The following BEND4 variants were observed in gnomAD, a reference collection of about 807,000 sequenced individuals.
The protein encoded by BEND4 is BEN domain containing 4, also known as BEN domain-containing protein 4.
BEND4 carries 27 observed loss-of-function variants against 54.7 expected under a neutral mutation model. The ratio of observed to expected loss-of-function variants is 0.49; its 90% CI spans 0.36 to 0.68. BEND4 has a LOEUF of 0.68. BEND4 is among the 30% of genes least tolerant of loss of function. The probability of loss-of-function intolerance (pLI) is 0.00; values close to 1 mark genes in which losing one functional copy is unlikely to be tolerated. For missense variants in BEND4, 702 were observed against 697.2 expected (o/e 1.01, Z -0.08); for synonymous variants, 327 against 299.5 (o/e 1.09, Z -0.95).
Position 42,112,845 on chromosome 4 carries a change from A to C in BEND4, c.*4673T>G, listed in dbSNP as rs1379792839. The C allele has an allele frequency of 6.6e-6, 1 of 152,186 alleles. No homozygotes were observed. The highest frequency in any genetic ancestry group is 1.5e-5 in the Non-Finnish European group (1 of 68,018). The allele number at this position is 152,186 out of a possible 1,614,324, so 9.4% of individuals were successfully genotyped here. On this transcript the variant is annotated 3_prime_UTR_variant, in exon 6 of 6. Coordinates refer to ENST00000502486, the MANE Select transcript of BEND4 (RefSeq NM_207406.4). ...TCAATTCTTCACTCTCCTCTAAAAA[A>C]AAAACAAAAACCCAACATAAATAAA...
At position 42,115,417 on chromosome 4, in the gene BEND4, G is replaced by C. The variant is rs779888948; in HGVS notation, c.*2101C>G. 2 of 152,154 alleles carry C rather than the reference G, an allele frequency of 1.3e-5. No individual in the cohort carries two copies. Among genetic ancestry groups the C allele is most frequent in the African/African-American group, 2.4e-5 (1 of 41,432 alleles). 9.4% of individuals were successfully genotyped at this position (152,154 alleles called of 1,614,324 possible). ...CCTCAGCGAAGACCAGCACGATAGG[G>C]CTCCAAGATGATATTTGGATATGAA... is the stretch of plus-strand genomic sequence containing the variant. On this transcript the variant is annotated 3_prime_UTR_variant, in exon 6 of 6. Coordinates refer to ENST00000502486, the MANE Select transcript of BEND4 (RefSeq NM_207406.4).
intron 3 of BEND4, among the ~76,000 whole-genome samples, chr4:42,128,429 C>G (rs1720372574): frequency 6.6e-6 from 1 of 152,166 alleles, no homozygotes; most frequent in Admixed American, 6.5e-5. Context: ...CAAGACCATC[C>G]TGGCTAACAC....
rs1321238335 is a variant in BEND4, at chr4:42,112,576, G to A, written c.*4942C>T. ...TCAGACAGCTATAGAGAATTGTGAGGAAAATTAATCCGGTCCCCATTACTG... is the reference window on the plus strand; with the variant it reads ...TCAGACAGCTATAGAGAATTGTGAGAAAAATTAATCCGGTCCCCATTACTG... On this transcript the variant is annotated 3_prime_UTR_variant, in exon 6 of 6. Transcript: ENST00000502486. The A allele has an allele frequency of 6.6e-6, 1 of 152,130 alleles. No homozygotes were observed. Among genetic ancestry groups the A allele is most frequent in the East Asian group, 1.9e-4 (1 of 5,200 alleles). 9.4% of individuals were successfully genotyped at this position (152,130 alleles called of 1,614,324 possible).
At chr4:42,121,694 C>T (rs991972552) in intron 4 of BEND4, among the ~76,000 whole-genome samples, 19 of 152,112 alleles carry the variant, frequency 1.2e-4, no homozygotes, top group African/African-American at 3.6e-4. Context: ...CCCAAAAAGT[C>T]CTTCAGCCCC....
chr4:42,140,369 A>G (rs1720840516), intron 3 of BEND4, among the ~76,000 whole-genome samples: 1 of 152,224 alleles, frequency 6.6e-6, no homozygotes, highest in Non-Finnish European at 1.5e-5. Context: ...TAATTAATAA[A>G]CTGGCTTTTC....
chr4:42,125,961 G>T (rs2153145322), intron 3 of BEND4, among the ~76,000 whole-genome samples: 1 of 152,048 alleles, frequency 6.6e-6, no homozygotes, highest in South Asian at 2.1e-4. Flanking sequence ...GGATGGTCTT[G>T]AGCTCCTGGC....
chr4:42,118,902 A>G (rs1315646820), intron 5 of BEND4, among the ~76,000 whole-genome samples: 1 of 152,126 alleles, frequency 6.6e-6, no homozygotes, highest in Non-Finnish European at 1.5e-5. Flanking sequence ...CAGACCAACT[A>G]ATAGGAGGTG....
intron 3 of BEND4, among the ~76,000 whole-genome samples, chr4:42,130,516 C>T (rs1409600859): frequency 6.7e-6 from 1 of 150,096 alleles, no homozygotes; most frequent in Non-Finnish European, 1.5e-5. Flanking sequence ...CAATGAGATA[C>T]CATCTCATGA....
chr4:42,116,381 G>T lies in BEND4; in HGVS notation c.*1137C>A, dbSNP rs976687967. 6.6e-6 allele frequency: 1 copy of T among 152,190 alleles called. No individual in the cohort carries two copies. The highest frequency in any genetic ancestry group is 2.4e-5 in the African/African-American group (1 of 41,434). 9.4% of individuals were successfully genotyped at this position (152,190 alleles called of 1,614,324 possible). A position where few individuals can be genotyped will look rare whatever the true frequency, so the allele number is the denominator to read the frequency against. ...AAAGATACCACTAATTTCACATATG[G>T]AACTCAACAAATTAACCAGGGGATA... is the stretch of plus-strand genomic sequence containing the variant. On this transcript the variant is annotated 3_prime_UTR_variant, in exon 6 of 6. Coordinates refer to ENST00000502486, the MANE Select transcript of BEND4 (RefSeq NM_207406.4).
intron 2 of BEND4, among the ~76,000 whole-genome samples, chr4:42,146,076 G>A (rs1281257076): frequency 6.6e-6 from 1 of 152,146 alleles, no homozygotes; most frequent in African/African-American, 2.4e-5. Context: ...CTCAGACCTT[G>A]GCAGCAGGAC....
At chr4:42,137,644 C>T (rs985475171) in intron 3 of BEND4, among the ~76,000 whole-genome samples, 1 of 152,074 alleles carries the variant, frequency 6.6e-6, no homozygotes, top group African/African-American at 2.4e-5. Flanking sequence ...AACTGCATCA[C>T]ACTAAAAAGT....
intron 4 of BEND4, among the ~76,000 whole-genome samples, chr4:42,124,410 T>C (rs1720191077): frequency 6.6e-6 from 1 of 151,402 alleles, no homozygotes; most frequent in South Asian, 2.1e-4. Flanking sequence ...CAGTAGAGAG[T>C]GAGAGAAAAA....
At chr4:42,124,774 T>C (rs924063754) in intron 4 of BEND4, among the ~76,000 whole-genome samples, 1 of 152,178 alleles carries the variant, frequency 6.6e-6, no homozygotes, top group Non-Finnish European at 1.5e-5. Context: ...CAATCATGAA[T>C]TGAGTGTCTT....
rs535728579 is a variant in BEND4 at position 42,112,093 on chromosome 4, A to G, written c.*5425T>C. The G allele has an allele frequency of 6.6e-6, 1 of 152,300 alleles. No individual in the cohort carries two copies. The highest frequency in any genetic ancestry group is 2.1e-4 in the South Asian group (1 of 4,824). 9.4% of individuals were successfully genotyped at this position (152,300 alleles called of 1,614,324 possible). Reference sequence around the variant, plus strand: ...AACTCTCCCTTGATGGCATAAATAAAACAACAAATCCATTCCAAAGTGTTG... The same window carrying G: ...AACTCTCCCTTGATGGCATAAATAAGACAACAAATCCATTCCAAAGTGTTG... On this transcript the variant is annotated 3_prime_UTR_variant, in exon 6 of 6. Coordinates refer to ENST00000502486, the MANE Select transcript of BEND4 (RefSeq NM_207406.4).
chr4:42,126,001 A>G (rs1720266248), intron 3 of BEND4, among the ~76,000 whole-genome samples: 1 of 152,142 alleles, frequency 6.6e-6, no homozygotes, highest in South Asian at 2.1e-4. Context: ...TTGGCCTCCC[A>G]AAGTGCTGGG....
At chr4:42,129,836 T>C (rs752957589) in intron 3 of BEND4, among the ~76,000 whole-genome samples, 1 of 152,170 alleles carries the variant, frequency 6.6e-6, no homozygotes, top group South Asian at 2.1e-4. Context: ...ATTCAGGACA[T>C]AGGCACAAGC....
At chr4:42,134,239 C>T (rs963636642) in intron 3 of BEND4, among the ~76,000 whole-genome samples, 4 of 152,176 alleles carry the variant, frequency 2.6e-5, no homozygotes, top group Admixed American at 6.5e-5. Context: ...ATCTATCTTG[C>T]TATGTAGTTG....
At chr4:42,136,850 G>A (rs760342149) in intron 3 of BEND4, among the ~76,000 whole-genome samples, 3 of 152,184 alleles carry the variant, frequency 2.0e-5, no homozygotes, top group African/African-American at 7.2e-5. Flanking sequence ...CTCAACCAGC[G>A]TTAATTATTA....
rs954480115 is a variant in BEND4, at chr4:42,113,630, A to G, written c.*3888T>C. 12 of 152,210 alleles carry G rather than the reference A, an allele frequency of 7.9e-5. No homozygotes were observed. The highest frequency in any genetic ancestry group is 2.7e-4 in the African/African-American group (11 of 41,454). 9.4% of individuals were successfully genotyped at this position (152,210 alleles called of 1,614,324 possible). A position where few individuals can be genotyped will look rare whatever the true frequency, so the allele number is the denominator to read the frequency against. On this transcript the variant is annotated 3_prime_UTR_variant, in exon 6 of 6. Coordinates refer to ENST00000502486, the MANE Select transcript of BEND4 (RefSeq NM_207406.4). ...AGTTACTGGACTTAAAAAAAATCCT[A>G]TCAACATCAGTTACCACTAGTTGAT...
Sources: allele counts gnomAD v4.1 joint callset (sites outside exome capture counted in the v4.1 genomes callset), GRCh38; gene constraint gnomAD v4.1.1; transcripts MANE v1.5; gene names NCBI Gene and HGNC (gene_info 2026-07-23, HGNC 2026-07-21).